QTMAN: variants seen among roughly 807,000 people sequenced by gnomAD.
QTMAN encodes queuosine-tRNA mannosyltransferase, also known as tRNA-queuosine alpha-mannosyltransferase.
chr2:144,049,688 C>T, the QTMAN span, among the ~76,000 whole-genome samples: 5 of 152,150 alleles, frequency 3.3e-5, no homozygotes, highest in Non-Finnish European at 7.4e-5. Flanking sequence ...AAACCCATTA[C>T]TTGTCAAAAT....
chr2:144,120,170 A>C, the QTMAN span, among the ~76,000 whole-genome samples: 1 of 152,184 alleles, frequency 6.6e-6, no homozygotes. Context: ...AGATGATCTA[A>C]AAGTTGTGAA....
the QTMAN span, among the ~76,000 whole-genome samples, chr2:144,080,349 A>C: frequency 6.6e-6 from 1 of 152,150 alleles, no homozygotes; most frequent in African/African-American, 2.4e-5. Context: ...AGCACAGTTT[A>C]AAAGTGTATT....
At chr2:144,239,861 T>A in the QTMAN span, among the ~76,000 whole-genome samples, 2 of 152,186 alleles carry the variant, frequency 1.3e-5, no homozygotes, top group African/African-American at 2.4e-5. Context: ...ACTAGTTATC[T>A]CCCTAAAGCC....
chr2:144,091,798 C>T, the QTMAN span, among the ~76,000 whole-genome samples: 2 of 152,136 alleles, frequency 1.3e-5, no homozygotes, highest in East Asian at 1.9e-4. Flanking sequence ...CTCATCAACA[C>T]GTGGATAAAC....
chr2:144,039,549 T>A, the QTMAN span, among the ~76,000 whole-genome samples: 1 of 152,198 alleles, frequency 6.6e-6, no homozygotes, highest in Non-Finnish European at 1.5e-5. Flanking sequence ...CTATATTCTG[T>A]GGCAAATCCT....
At chr2:144,176,699 T>C in the QTMAN span, among the ~76,000 whole-genome samples, 2 of 152,108 alleles carry the variant, frequency 1.3e-5, no homozygotes, top group African/African-American at 2.4e-5. Flanking sequence ...TAAAGAAAGA[T>C]TACATAAATA....
the QTMAN span, among the ~76,000 whole-genome samples, chr2:144,134,749 G>C: frequency 6.6e-6 from 1 of 152,018 alleles, no homozygotes; most frequent in African/African-American, 2.4e-5. Context: ...TGAATCTAAA[G>C]TATATTTGCT....
the QTMAN span, among the ~76,000 whole-genome samples, chr2:143,971,048 G>C: frequency 1.3e-5 from 2 of 151,764 alleles, no homozygotes; most frequent in East Asian, 3.9e-4. Flanking sequence ...CTGGACTACA[G>C]AAAGTATAGT....
the QTMAN span, among the ~76,000 whole-genome samples, chr2:144,119,188 T>C: frequency 1.3e-5 from 2 of 152,164 alleles, no homozygotes; most frequent in African/African-American, 4.8e-5. Context: ...CAGAGTTCAT[T>C]TGTTTACATA....
At chr2:144,119,009 G>A in the QTMAN span, among the ~76,000 whole-genome samples, 1 of 152,224 alleles carries the variant, frequency 6.6e-6, no homozygotes, top group East Asian at 1.9e-4. Context: ...CCCAAATAAA[G>A]GTTTCACAGA....
the QTMAN span, among the ~76,000 whole-genome samples, chr2:144,246,731 G>A: frequency 2.6e-5 from 4 of 152,050 alleles, no homozygotes; most frequent in East Asian, 5.8e-4. Flanking sequence ...TCTTACCACA[G>A]TGGACAACCT....
At chr2:144,213,108 A>G in the QTMAN span, among the ~76,000 whole-genome samples, 3 of 152,236 alleles carry the variant, frequency 2.0e-5, no homozygotes, top group South Asian at 4.1e-4. Flanking sequence ...CATCATCCCA[A>G]TTAAAAACTA....
At chr2:144,182,033 C>T in the QTMAN span, among the ~76,000 whole-genome samples, 2 of 151,630 alleles carry the variant, frequency 1.3e-5, no homozygotes, top group African/African-American at 4.8e-5. Context: ...CCCAAAAGTG[C>T]CAAACTTAGC....
the QTMAN span, among the ~76,000 whole-genome samples, chr2:144,121,900 T>C: frequency 6.6e-6 from 1 of 152,262 alleles, no homozygotes; most frequent in Non-Finnish European, 1.5e-5. Flanking sequence ...ATGATGGTGA[T>C]GAATAAAAGT....
At chr2:143,972,700 A>G in the QTMAN span, among the ~76,000 whole-genome samples, 1 of 152,204 alleles carries the variant, frequency 6.6e-6, no homozygotes, top group East Asian at 1.9e-4. Flanking sequence ...TAAGAACACA[A>G]AAGAGATTTG....
the QTMAN span, among the ~76,000 whole-genome samples, chr2:143,998,437 G>C: frequency 0.053 from 7,963 of 151,108 alleles, 344 homozygotes; most frequent in African/African-American, 0.12. Context: ...GACAGAAGGG[G>C]GGGGAAAGCT....
the QTMAN span, among the ~76,000 whole-genome samples, chr2:144,323,082 T>G: frequency 6.6e-6 from 1 of 152,200 alleles, no homozygotes; most frequent in South Asian, 2.1e-4. Context: ...GCTCACTTTG[T>G]TCATTTTCAA....
chr2:144,145,009 T>C, the QTMAN span, among the ~76,000 whole-genome samples: 6 of 151,128 alleles, frequency 4.0e-5, no homozygotes, highest in South Asian at 8.3e-4. Context: ...TAAAATGTCA[T>C]GGTATTTTAA....
chr2:144,040,263 CGCTTA>C, the QTMAN span, among the ~76,000 whole-genome samples: 1 of 152,084 alleles, frequency 6.6e-6, no homozygotes, highest in African/African-American at 2.4e-5. Context: ...ATCTCTACCA[CGCTTA>C]GCATACAACA....
Sources: gnomAD v4.1 joint callset for allele counts (sites outside exome capture counted in the v4.1 genomes callset) on GRCh38, gnomAD v4.1.1 for gene constraint, MANE v1.5 for transcripts, NCBI Gene and HGNC (gene_info 2026-07-23, HGNC 2026-07-21) for gene names.